CNTN4: variants seen among roughly 807,000 people sequenced by gnomAD.
CNTN4 encodes contactin 4.
CNTN4 carries 77 observed loss-of-function variants against 122.5 expected under a neutral mutation model. That is an observed-to-expected ratio of 0.63 (90% CI 0.52 to 0.76). The LOEUF (loss-of-function observed/expected upper bound fraction) is 0.76, where lower values mean the gene tolerates loss of function less well. CNTN4 is among the 30% of genes least tolerant of loss of function. The pLI is 0.00. For synonymous variants in CNTN4, 512 were observed against 447.0 expected (o/e 1.15, Z -1.83); for missense variants, 1,256 against 1,259.1 (o/e 1.00, Z 0.04).
chr3:3,035,835 G>A (rs1421205174), intron 17 of CNTN4, among the ~76,000 whole-genome samples: 2 of 151,940 alleles, frequency 1.3e-5, no homozygotes, highest in Non-Finnish European at 2.9e-5. Flanking sequence ...GATTTCAGGC[G>A]TGAGCCACTG....
intron 7 of CNTN4, among the ~76,000 whole-genome samples, chr3:2,857,436 A>G (rs2093628689): frequency 6.6e-6 from 1 of 152,224 alleles, no homozygotes; most frequent in African/African-American, 2.4e-5. Context: ...CCAAATTTTT[A>G]ACAAATAGCT....
At chr3:2,781,691 G>C (rs912588701) in intron 6 of CNTN4, among the ~76,000 whole-genome samples, 1 of 151,374 alleles carries the variant, frequency 6.6e-6, no homozygotes, top group African/African-American at 2.4e-5. Context: ...CTCAAAGGTG[G>C]GGGGTGCTTC....
intron 15 of CNTN4, among the ~76,000 whole-genome samples, chr3:3,029,908 A>G (rs928855509): frequency 1.3e-5 from 2 of 152,202 alleles, no homozygotes; most frequent in African/African-American, 4.8e-5. Flanking sequence ...TCATTGGAGA[A>G]ATAGCAACAC....
At chr3:2,452,648 C>G (rs780348755) in intron 3 of CNTN4, among the ~76,000 whole-genome samples, 1 of 152,110 alleles carries the variant, frequency 6.6e-6, no homozygotes, top group Non-Finnish European at 1.5e-5. Context: ...TGGTATTTAT[C>G]TTTAATGAAT....
intron 13 of CNTN4, among the ~76,000 whole-genome samples, chr3:2,976,867 CT>C (rs1302472487): frequency 1.6e-3 from 233 of 144,150 alleles, no homozygotes; most frequent in African/African-American, 2.3e-3. Flanking sequence ...CAAAACAAGT[CT>C]TTTTTTTTTT....
At chr3:2,564,079 A>C (rs763513943) in intron 3 of CNTN4, among the ~76,000 whole-genome samples, 1 of 152,182 alleles carries the variant, frequency 6.6e-6, no homozygotes, top group Non-Finnish European at 1.5e-5. Flanking sequence ...ATCATCATTC[A>C]TAAAAGAACT....
At chr3:2,231,899 A>G (rs1026336006) in intron 2 of CNTN4, among the ~76,000 whole-genome samples, 5 of 151,862 alleles carry the variant, frequency 3.3e-5, no homozygotes, top group African/African-American at 1.2e-4. Flanking sequence ...CCTTTTAGGT[A>G]TTTATTAACA....
At chr3:2,155,946 A>C (rs574703466) in intron 2 of CNTN4, among the ~76,000 whole-genome samples, 11 of 152,208 alleles carry the variant, frequency 7.2e-5, no homozygotes, top group Admixed American at 2.6e-4. Flanking sequence ...TTTCCATCAA[A>C]ATATTTAACA....
At chr3:2,366,454 G>A (rs1017998864) in intron 3 of CNTN4, among the ~76,000 whole-genome samples, 4 of 151,976 alleles carry the variant, frequency 2.6e-5, no homozygotes, top group African/African-American at 7.3e-5. Flanking sequence ...AAGGCTGGAC[G>A]CAGTGGCTCA....
intron 3 of CNTN4, among the ~76,000 whole-genome samples, chr3:2,537,775 A>G (rs928102938): frequency 6.6e-6 from 1 of 152,050 alleles, no homozygotes; most frequent in East Asian, 1.9e-4. Context: ...TCATCCACAT[A>G]TCCACCCATC....
chr3:2,798,505 A>C (rs1362176448), intron 6 of CNTN4, among the ~76,000 whole-genome samples: 1 of 151,946 alleles, frequency 6.6e-6, no homozygotes, highest in Non-Finnish European at 1.5e-5. Context: ...ATGTGAATGC[A>C]GGTATCTTTT....
chr3:2,946,941 A>G (rs2094685426), intron 13 of CNTN4, among the ~76,000 whole-genome samples: 1 of 152,064 alleles, frequency 6.6e-6, no homozygotes, highest in Admixed American at 6.6e-5. Flanking sequence ...CCCGGGCTCA[A>G]GCAATCCTCC....
At chr3:2,316,244 C>A (rs974670098) in intron 2 of CNTN4, among the ~76,000 whole-genome samples, 2 of 151,942 alleles carry the variant, frequency 1.3e-5, no homozygotes, top group Non-Finnish European at 2.9e-5. Context: ...CAGATAGAGT[C>A]TTTTATTTTA....
chr3:2,353,729 A>G (rs1180338135), intron 3 of CNTN4, among the ~76,000 whole-genome samples: 1 of 152,194 alleles, frequency 6.6e-6, no homozygotes, highest in Non-Finnish European at 1.5e-5. Context: ...CACCGTCTCT[A>G]CTAAAAACAC....
chr3:2,963,329 T>G (rs2094880676), intron 13 of CNTN4, among the ~76,000 whole-genome samples: 1 of 152,210 alleles, frequency 6.6e-6, no homozygotes, highest in Non-Finnish European at 1.5e-5. Flanking sequence ...TACTATACAC[T>G]TTTCCTTTAC....
At chr3:2,796,567 G>C (rs2092189625) in intron 6 of CNTN4, among the ~76,000 whole-genome samples, 1 of 152,118 alleles carries the variant, frequency 6.6e-6, no homozygotes, top group Non-Finnish European at 1.5e-5. Flanking sequence ...ATACTCCCAA[G>C]TTTTCTCACT....
At chr3:2,651,707 TC>T (rs952370428) in intron 4 of CNTN4, among the ~76,000 whole-genome samples, 5 of 144,782 alleles carry the variant, frequency 3.5e-5, no homozygotes, top group African/African-American at 1.3e-4. Flanking sequence ...TTCTTTTTTT[TC>T]TTTTTTTTTT....
At chr3:2,535,929 C>T (rs2077786824) in intron 3 of CNTN4, among the ~76,000 whole-genome samples, 1 of 151,986 alleles carries the variant, frequency 6.6e-6, no homozygotes, top group Admixed American at 6.6e-5. Context: ...GAAGAAATCC[C>T]CCATTTTCCC....
intron 8 of CNTN4, among the ~76,000 whole-genome samples, chr3:2,872,604 T>G (rs919602996): frequency 6.6e-6 from 1 of 152,148 alleles, no homozygotes; most frequent in Admixed American, 6.6e-5. Flanking sequence ...TAACCCGAAT[T>G]GGAACTCCAC....
Sources: gnomAD v4.1 joint callset for allele counts (sites outside exome capture counted in the v4.1 genomes callset) on GRCh38, gnomAD v4.1.1 for gene constraint, MANE v1.5 for transcripts, NCBI Gene and HGNC (gene_info 2026-07-23, HGNC 2026-07-21) for gene names.